The following TAMALIN variants were observed in gnomAD, a reference collection of about 807,000 sequenced individuals.
TAMALIN encodes protein TAMALIN.
In TAMALIN, 9 loss-of-function variants were observed where a neutral mutation model predicts 38.5. That is an observed-to-expected ratio of 0.23 (90% CI 0.14 to 0.41). The LOEUF is 0.41. TAMALIN is among the 10% of genes least tolerant of loss of function. The probability of loss-of-function intolerance (pLI) is 1.00; values close to 1 mark genes in which losing one functional copy is unlikely to be tolerated. For synonymous variants in TAMALIN, 306 were observed against 256.5 expected (o/e 1.19, Z -1.85); for missense variants, 548 against 554.1 (o/e 0.99, Z 0.11).
chr12:52,007,133 C>A lies in TAMALIN; in HGVS notation c.114C>A (p.Thr38=). The A allele has an allele frequency of 6.7e-7, 1 of 1,486,936 alleles. No homozygotes were observed. Among genetic ancestry groups the A allele is most frequent in the Non-Finnish European group, 8.9e-7 (1 of 1,126,770 alleles). 92.1% of individuals were successfully genotyped at this position (1,486,936 alleles called of 1,614,324 possible). The change falls in exon 1 of 8, where the codon ACC becomes ACA. Residue 38 remains threonine (T), a synonymous_variant. Transcript: ENST00000293662. This position sits in a 1 kb window ranked among gnomAD's most constrained non-coding sequence, Gnocchi z 6.7. ...TCGCGCCCGCCGCTCCGGTCCCGAC[C>A]CCGGGACCCCCTGCCGCAGCCGCCA... ...SEVAPAAPVP[T]PGPPAAAATP...
In TAMALIN at chr12:52,015,463, G is replaced by A; in HGVS notation, c.*264G>A. 4.5e-6 allele frequency: 2 copies of A among 442,862 alleles called. No individual in the cohort carries two copies. Among genetic ancestry groups the A allele is most frequent in the East Asian group, 9.5e-5 (2 of 20,964 alleles). The allele number at this position is 442,862 out of a possible 1,614,324, so 27.4% of individuals were successfully genotyped here. A position where few individuals can be genotyped will look rare whatever the true frequency, so the allele number is the denominator to read the frequency against. Reference sequence around the variant, plus strand: ...TCGGGGGCCAAAGATGGGGGTGCTCGCCTACAGTCTGCATCTGTAGTGCCT... The same window carrying A: ...TCGGGGGCCAAAGATGGGGGTGCTCACCTACAGTCTGCATCTGTAGTGCCT... On this transcript the variant is annotated 3_prime_UTR_variant, in exon 8 of 8. Coordinates refer to ENST00000293662, the MANE Select transcript of TAMALIN (RefSeq NM_181711.4).
rs1301417386 is a variant in TAMALIN, at chr12:52,015,725, C to G, written c.*526C>G. 6.5e-6 allele frequency: 1 copy of G among 154,994 alleles called. No homozygotes were observed. Among genetic ancestry groups the G allele is most frequent in the Non-Finnish European group, 1.4e-5 (1 of 69,400 alleles). The allele number at this position is 154,994 out of a possible 1,614,324, so 9.6% of individuals were successfully genotyped here. A position where few individuals can be genotyped will look rare whatever the true frequency, so the allele number is the denominator to read the frequency against. On this transcript the variant is annotated 3_prime_UTR_variant, in exon 8 of 8. Coordinates refer to ENST00000293662, the MANE Select transcript of TAMALIN (RefSeq NM_181711.4). ...CTAAGGGCTTCGCCCCTCCCAGGGG[C>G]CTGTAACTAAGTCGGGTCCTGCCAG...
chr12:52,008,175 A>T (rs1178226218), intron 1 of TAMALIN: 2 of 985,076 alleles, frequency 2.0e-6, no homozygotes, highest in Non-Finnish European at 2.4e-6. Flanking sequence ...AACTGTCCCC[A>T]CCCCTGAGGC....
rs375324273 is a variant in TAMALIN, at chr12:52,009,297, G to C, written c.296+58G>C. The C allele has an allele frequency of 3.8e-4, 582 of 1,531,770 alleles. 5 individuals are homozygous for C. The African/African-American group carries it at 6.5e-3, about 17-fold the overall frequency. The allele number at this position is 1,531,770 out of a possible 1,614,324, so 94.9% of individuals were successfully genotyped here. A position where few individuals can be genotyped will look rare whatever the true frequency, so the allele number is the denominator to read the frequency against. On this transcript the variant is annotated intron_variant, in intron 2 of 7. Transcript: ENST00000293662. The stretch of plus-strand genomic sequence containing the variant: ...CCAAAGGGGTGAGGTGCTGGGTTGG[G>C]GGGTGCCAGGACAGCATCTCAGCCT...
chr12:52,014,485 G>A, intron 7 of TAMALIN: 1 of 602,074 alleles, frequency 1.7e-6, no homozygotes, highest in Non-Finnish European at 2.9e-6. Flanking sequence ...TCCGAGGCCC[G>A]TTTGTGCTAA....
rs767720283 is a variant in TAMALIN at position 52,011,369 on chromosome 12, A to G, written c.454+228A>G. The G allele has an allele frequency of 6.0e-6, 4 of 666,706 alleles. No homozygotes were observed. The highest frequency in any genetic ancestry group is 1.0e-5 in the Non-Finnish European group (4 of 386,668). 41.3% of individuals were successfully genotyped at this position (666,706 alleles called of 1,614,324 possible). ...CAAAATGAGGGTAATAATGCATCCAAACATCACAGTGCGGCAAGGGGATTC... is the reference window on the plus strand; with the variant it reads ...CAAAATGAGGGTAATAATGCATCCAGACATCACAGTGCGGCAAGGGGATTC... On this transcript the variant is annotated intron_variant, in intron 4 of 7. Coordinates refer to ENST00000293662, the MANE Select transcript of TAMALIN (RefSeq NM_181711.4). This position sits in a 1 kb window ranked among gnomAD's most constrained non-coding sequence, Gnocchi z 5.3.
chr12:52,013,738 G>A lies in TAMALIN; in HGVS notation c.506G>A (p.Arg169Gln), dbSNP rs147498387. 5 of 1,614,158 alleles carry A rather than the reference G, an allele frequency of 3.1e-6. No individual in the cohort carries two copies. The highest frequency in any genetic ancestry group is 4.2e-6 in the Non-Finnish European group (5 of 1,180,022). ...CTGAATGTGGAAGGCATCCGGCATC[G>A]AGAGATTGTGGACATCATTAAGGCG... ...NGLNVEGIRH[R>Q]EIVDIIKASG... Residue 169 changes from arginine (R) to glutamine (Q), a missense_variant, in exon 5 of 8, where the codon CGA becomes CAA. Transcript: ENST00000293662.
intron 2 of TAMALIN, among the ~76,000 whole-genome samples, chr12:52,010,023 T>G (rs554257289): frequency 6.6e-6 from 1 of 152,094 alleles, no homozygotes; most frequent in Non-Finnish European, 1.5e-5. Context: ...CCCTAGAACA[T>G]TGGGGTAGAC....
chr12:52,007,331 C>T lies in TAMALIN; in HGVS notation c.246+66C>T. 7.5e-7 allele frequency: 1 copy of T among 1,342,102 alleles called. No homozygotes were observed. 83.1% of individuals were successfully genotyped at this position (1,342,102 alleles called of 1,614,324 possible). A position where few individuals can be genotyped will look rare whatever the true frequency, so the allele number is the denominator to read the frequency against. ...TCCGACTCCCTACAGGGCCTGCTGA[C>T]TCCGCAGTGCCCTCTCCTCGGCGTC... On this transcript the variant is annotated intron_variant, in intron 1 of 7. Coordinates refer to ENST00000293662, the MANE Select transcript of TAMALIN (RefSeq NM_181711.4). This position sits in a 1 kb window ranked among gnomAD's most constrained non-coding sequence, Gnocchi z 6.7.
intron 2 of TAMALIN, 21 bp from the exon 3 acceptor site, chr12:52,010,860 T>C (rs376979445): frequency 3.7e-6 from 6 of 1,613,660 alleles, no homozygotes; most frequent in Non-Finnish European, 5.1e-6. Context: ...CTAATTGTCT[T>C]GACCCCTGTG....
rs972828901 is a variant in TAMALIN at position 52,008,348 on chromosome 12, CTACTT to C, written c.247-839_247-835del. ...CCAAAAAGTTAGGGAGGGTGAGAGA[CTACTT>C]TAGTTTATCAAGGACCCTGAAGAGA... On this transcript the variant is annotated intron_variant, in intron 1 of 7. Coordinates refer to ENST00000293662, the MANE Select transcript of TAMALIN (RefSeq NM_181711.4). 20 of 985,208 alleles carry C rather than the reference CTACTT, an allele frequency of 2.0e-5. No homozygotes were observed. In the South Asian group the frequency reaches 6.6e-4, roughly 32 times the overall value. 61.0% of individuals were successfully genotyped at this position (985,208 alleles called of 1,614,324 possible).
rs530092771 is a variant in TAMALIN, at chr12:52,013,578, GT to G, written c.455-108del. 1.3e-4 allele frequency: 110 copies of G among 820,790 alleles called. No individual in the cohort carries two copies. The East Asian group carries it at 2.8e-3, about 21-fold the overall frequency. 50.8% of individuals were successfully genotyped at this position (820,790 alleles called of 1,614,324 possible). A position where few individuals can be genotyped will look rare whatever the true frequency, so the allele number is the denominator to read the frequency against. ...AGGAGTTGGAGGAGGGAGTTCAGGAGTATTCCCTGGAGTTACTACCCACCCT... is the reference window on the plus strand; with the variant it reads ...AGGAGTTGGAGGAGGGAGTTCAGGAGATTCCCTGGAGTTACTACCCACCCT... On this transcript the variant is annotated intron_variant, in intron 4 of 7. Coordinates refer to ENST00000293662, the MANE Select transcript of TAMALIN (RefSeq NM_181711.4).
chr12:52,014,012 C>T, intron 6 of TAMALIN, 69 bp downstream of exon 6: 4 of 1,558,236 alleles, frequency 2.6e-6, no homozygotes, highest in Non-Finnish European at 2.7e-6. Flanking sequence ...TGGGGGGTCA[C>T]TTACAGCTGA....
At chr12:52,008,168 T>C (rs1000525479) in intron 1 of TAMALIN, 56 of 985,334 alleles carry the variant, frequency 5.7e-5, no homozygotes, top group East Asian at 1.1e-4. Context: ...GTTTGGGAAC[T>C]GTCCCCACCC....
rs937847617 is a variant in TAMALIN, at chr12:52,014,987, G to A, written c.976G>A (p.Ala326Thr). ...PAVGPGPGPR[A>T]ALSRSASVRC... Reference sequence around the variant, plus strand: ...CGTGGGGCCGGGCCCTGGGCCGCGGGCCGCGCTGAGCCGCAGCGCCAGTGT... The same window carrying A: ...CGTGGGGCCGGGCCCTGGGCCGCGGACCGCGCTGAGCCGCAGCGCCAGTGT... The change falls in exon 8 of 8, where the codon GCC becomes ACC. Residue 326 changes from alanine to threonine, a missense_variant. This residue lies in a region of TAMALIN where 415 missense variants were observed against 417.0 expected (regional missense o/e 1.00). Coordinates refer to ENST00000293662, the MANE Select transcript of TAMALIN (RefSeq NM_181711.4). 1 of 976,732 alleles carries A rather than the reference G, an allele frequency of 1.0e-6. No homozygotes were observed. Among genetic ancestry groups the A allele is most frequent in the Non-Finnish European group, 1.2e-6 (1 of 821,140 alleles). The allele number at this position is 976,732 out of a possible 1,614,324, so 60.5% of individuals were successfully genotyped here.
chr12:52,013,990 G>A, intron 6 of TAMALIN, 47 bp downstream of exon 6: 1 of 1,599,066 alleles, frequency 6.3e-7, no homozygotes, highest in Non-Finnish European at 8.6e-7. Context: ...CTCTTCCCAA[G>A]CCTCTGCCCT....
At chr12:52,013,409 T>C (rs753255498) in intron 4 of TAMALIN, 6 of 417,380 alleles carry the variant, frequency 1.4e-5, no homozygotes, top group Admixed American at 1.0e-4. Flanking sequence ...AGTGAGGGTG[T>C]TGGGTGTGTG....
Position 52,011,165 on chromosome 12 carries a change from C to T in TAMALIN, c.454+24C>T, listed in dbSNP as rs749311730. The stretch of plus-strand genomic sequence containing the variant: ...AGGTGGGGCCTGAGCCCAGGACACC[C>T]AGGTCTGGGAAGGGGATATGACCTT... On this transcript the variant is annotated intron_variant, in intron 4 of 7. Coordinates refer to ENST00000293662, the MANE Select transcript of TAMALIN (RefSeq NM_181711.4). This position sits in a 1 kb window ranked among gnomAD's most constrained non-coding sequence, Gnocchi z 5.3. The T allele has an allele frequency of 3.1e-6, 5 of 1,608,754 alleles. No individual in the cohort carries two copies. The East Asian group carries it at 6.7e-5, about 21-fold the overall frequency.
Position 52,007,861 on chromosome 12 carries a change from G to A in TAMALIN, c.246+596G>A. The A allele has an allele frequency of 1.0e-6, 1 of 985,410 alleles. No homozygotes were observed. Among genetic ancestry groups the A allele is most frequent in the Non-Finnish European group, 1.2e-6 (1 of 829,920 alleles). The allele number at this position is 985,410 out of a possible 1,614,324, so 61.0% of individuals were successfully genotyped here. A position where few individuals can be genotyped will look rare whatever the true frequency, so the allele number is the denominator to read the frequency against. On this transcript the variant is annotated intron_variant, in intron 1 of 7. Coordinates refer to ENST00000293662, the MANE Select transcript of TAMALIN (RefSeq NM_181711.4). This position sits in a 1 kb window ranked among gnomAD's most constrained non-coding sequence, Gnocchi z 6.7. ...CCCTGGACTTCTGTCGGAACCGGACGCAGTGGGAGGGGTCGCAGGGCGCCC... is the reference window on the plus strand; with the variant it reads ...CCCTGGACTTCTGTCGGAACCGGACACAGTGGGAGGGGTCGCAGGGCGCCC...
Sources: allele counts gnomAD v4.1 joint callset (sites outside exome capture counted in the v4.1 genomes callset), GRCh38; gene constraint gnomAD v4.1.1; regional missense constraint gnomAD v4.1.1; non-coding constraint Gnocchi (gnomAD v3.1); transcripts MANE v1.5; gene names NCBI Gene and HGNC (gene_info 2026-07-23, HGNC 2026-07-21).